ZNF839: variants seen among roughly 807,000 people sequenced by gnomAD.
ZNF839 encodes renal carcinoma antigen NY-REN-50.
A neutral mutation model predicts 56.4 loss-of-function variants in ZNF839; 38 were observed. The observed-to-expected ratio is 0.67, with a 90% CI of 0.52 to 0.88. The LOEUF (loss-of-function observed/expected upper bound fraction) is 0.88, where lower values mean the gene tolerates loss of function less well. Ranked by LOEUF, ZNF839 falls within the 40% of genes least tolerant of loss-of-function variation. ZNF839 has a pLI of 0.00. For missense variants in ZNF839, 1,091 were observed against 1,177.6 expected (o/e 0.93, Z 1.08); for synonymous variants, 486 against 493.5 (o/e 0.98, Z 0.20).
intron 5 of ZNF839, chr14:102,336,611 T>C: frequency 2.3e-6 from 1 of 428,798 alleles, no homozygotes; most frequent in Non-Finnish European, 4.6e-6. Context: ...TTTTTTTTTC[T>C]TAAAGCAATA....
At chr14:102,335,874 T>C (rs374374472) in intron 5 of ZNF839, 36 bp downstream of exon 5, 11 of 1,603,968 alleles carry the variant, frequency 6.9e-6, no homozygotes, top group African/African-American at 2.7e-5. Flanking sequence ...GTTTTGCTCA[T>C]AGAGTTAGCC....
intron 7 of ZNF839, among the ~76,000 whole-genome samples, chr14:102,340,864 G>GT (rs1255114763): frequency 3.3e-5 from 5 of 152,048 alleles, no homozygotes; most frequent in Non-Finnish European, 7.4e-5. Flanking sequence ...AAGGTGAGGA[G>GT]TTTGAGACCA....
At chr14:102,321,035 T>C (rs2073102350) in intron 1 of ZNF839, among the ~76,000 whole-genome samples, 1 of 152,238 alleles carries the variant, frequency 6.6e-6, no homozygotes, top group Non-Finnish European at 1.5e-5. Context: ...TGTTAGCTGC[T>C]TAGGGTTGTA....
At position 102,342,357 on chromosome 14, in the gene ZNF839, T is replaced by C; in HGVS notation, c.*178T>C. ...TGAACCTTTTATTTATAAAGAATAATGTCTTTCTGCCCTGCTGTCTACATT... is the reference window on the plus strand; with the variant it reads ...TGAACCTTTTATTTATAAAGAATAACGTCTTTCTGCCCTGCTGTCTACATT... On this transcript the variant is annotated 3_prime_UTR_variant, in exon 8 of 8. Transcript: ENST00000442396. The C allele has an allele frequency of 1.4e-6, 1 of 716,392 alleles. No homozygotes were observed. The highest frequency in any genetic ancestry group is 2.2e-6 in the Non-Finnish European group (1 of 461,870). The allele number at this position is 716,392 out of a possible 1,614,324, so 44.4% of individuals were successfully genotyped here.
intron 1 of ZNF839, 37 bp downstream of exon 1, chr14:102,320,090 C>G (rs2139441125): frequency 8.6e-7 from 1 of 1,162,858 alleles, no homozygotes; most frequent in East Asian, 3.8e-5. Flanking sequence ...AACTGAGGCC[C>G]GAAGGGGGCC....
chr14:102,339,979 A>T (rs563984300), intron 7 of ZNF839, among the ~76,000 whole-genome samples: 3 of 150,032 alleles, frequency 2.0e-5, no homozygotes, highest in Non-Finnish European at 4.4e-5. Context: ...ATATATATAA[A>T]TTTTTTTTTT....
chr14:102,321,997 C>A (rs1248788470), intron 1 of ZNF839, among the ~76,000 whole-genome samples: 3 of 152,152 alleles, frequency 2.0e-5, no homozygotes, highest in Non-Finnish European at 4.4e-5. Context: ...TCTTCCCCAC[C>A]CCACAGAAAT....
chr14:102,323,018 AACAG>A (rs55896826), intron 1 of ZNF839, among the ~76,000 whole-genome samples: 14,930 of 152,208 alleles, frequency 0.098, 1,038 homozygotes, highest in East Asian at 0.29. Flanking sequence ...GTACTAGTAT[AACAG>A]ACAGACGAGA....
intron 3 of ZNF839, 103 bp downstream of exon 3, chr14:102,331,949 A>G: frequency 1.1e-6 from 1 of 950,966 alleles, no homozygotes; most frequent in Non-Finnish European, 1.5e-6. Context: ...CTGAAATGTC[A>G]TTGCATTAAG....
intron 1 of ZNF839, 127 bp from the exon 2 acceptor site, chr14:102,325,858 A>G (rs2073379794): frequency 8.8e-7 from 1 of 1,141,054 alleles, no homozygotes; most frequent in African/African-American, 1.5e-5. Context: ...AACACATTAC[A>G]TCAACTTTTA....
rs770110342 is a variant in ZNF839 at position 102,341,378 on chromosome 14, A to G, written c.1983A>G (p.Thr661=). 2.2e-5 allele frequency: 34 copies of G among 1,546,646 alleles called. No individual in the cohort carries two copies. The highest frequency in any genetic ancestry group is 5.5e-5 in the African/African-American group (4 of 72,368). ...CTCCCCGTTCTGAAGAAAGCCATAC[A>G]ACGACGGTTTCTGGTGGCAATGGGA... The part of the protein sequence containing the change: ...TVSPRSEESH[T]TTVSGGNGSV... Residue 661 remains threonine (T), a synonymous_variant, in exon 8 of 8, where the codon ACA becomes ACG. Transcript: ENST00000442396.
chr14:102,319,961 G>A lies in ZNF839; in HGVS notation c.196G>A (p.Ala66Thr). The A allele has an allele frequency of 8.6e-7, 1 of 1,160,648 alleles. No homozygotes were observed. The highest frequency in any genetic ancestry group is 1.1e-6 in the Non-Finnish European group (1 of 946,102). 71.9% of individuals were successfully genotyped at this position (1,160,648 alleles called of 1,614,324 possible). Reference sequence around the variant, plus strand: ...GCCCCCCTTCGTGCTGCGGGACGCGGCGCGGCGGCTGCGGGACGCGGCCCA... The same window carrying A: ...GCCCCCCTTCGTGCTGCGGGACGCGACGCGGCGGCTGCGGGACGCGGCCCA... The part of the protein sequence containing the change: ...PPPPFVLRDA[A>T]RRLRDAAQQA... Residue 66 changes from alanine to threonine, a missense_variant, in exon 1 of 8, where the codon GCG becomes ACG. Ala to Thr is a moderately conservative substitution (Grantham distance 58, BLOSUM62 0). Coordinates refer to ENST00000442396, the MANE Select transcript of ZNF839 (RefSeq NM_018335.6). The surrounding 1 kb of genome is among the most constrained non-coding windows in gnomAD (Gnocchi z 4.5).
intron 7 of ZNF839, chr14:102,341,087 A>C (rs1433059313): frequency 3.4e-6 from 1 of 297,296 alleles, no homozygotes; most frequent in Admixed American, 5.1e-5. Context: ...AAAAAAAAAA[A>C]AAGCACACTG....
At chr14:102,318,662 C>T (rs1254360573), upstream of ZNF839, among the ~76,000 whole-genome samples, 1 of 151,892 alleles carries the variant, frequency 6.6e-6, no homozygotes, top group African/African-American at 2.4e-5. Context: ...GGTAAGATAC[C>T]CATAATATAA....
At chr14:102,329,043 C>G (rs894795528) in intron 2 of ZNF839, among the ~76,000 whole-genome samples, 3 of 149,256 alleles carry the variant, frequency 2.0e-5, no homozygotes, top group African/African-American at 7.4e-5. Context: ...GATCTCAGTT[C>G]ACTGCAACCT....
rs776087528 is a variant in ZNF839, at chr14:102,319,807, T to TGGC, written c.58_60dup (p.Gly20dup). The stretch of plus-strand genomic sequence containing the variant: ...CGGAGGCTGGGGGCGGCAGCGAGGA[T>TGGC]GGCGGCGGCGGCGGCGGCCCGGCTC... On this transcript the variant is annotated inframe_insertion, in exon 1 of 8. Coordinates refer to ENST00000442396, the MANE Select transcript of ZNF839 (RefSeq NM_018335.6). The surrounding 1 kb of genome is among the most constrained non-coding windows in gnomAD (Gnocchi z 4.5). 170 of 1,223,222 alleles carry TGGC rather than the reference T, an allele frequency of 1.4e-4. No individual in the cohort carries two copies. Among genetic ancestry groups the TGGC allele is most frequent in the Middle Eastern group, 3.1e-4 (1 of 3,248 alleles). 75.8% of individuals were successfully genotyped at this position (1,223,222 alleles called of 1,614,324 possible). A position where few individuals can be genotyped will look rare whatever the true frequency, so the allele number is the denominator to read the frequency against.
rs1234555970 is a variant in ZNF839, at chr14:102,326,616, C to T, written c.920C>T (p.Ser307Phe). The change falls in exon 2 of 8, where the codon TCC (serine) becomes TTC (phenylalanine). Residue 307 changes from serine to phenylalanine, a missense_variant. By Grantham distance (155) the Ser-to-Phe change is radical. Transcript: ENST00000442396. The surrounding 1 kb of genome is among the most constrained non-coding windows in gnomAD (Gnocchi z 4.3). Reference sequence around the variant, plus strand: ...GCACTCTTTGACTTATCGAGCTGCTCCCTGAGGCCCAAAAGCTTTAAGTGT... The same window carrying T: ...GCACTCTTTGACTTATCGAGCTGCTTCCTGAGGCCCAAAAGCTTTAAGTGT... ...RHALFDLSSC[S>F]LRPKSFKCQT... 4 of 1,613,564 alleles carry T rather than the reference C, an allele frequency of 2.5e-6. No individual in the cohort carries two copies. The highest frequency in any genetic ancestry group is 3.3e-5 in the Admixed American group (2 of 59,934).
At chr14:102,325,253 T>C (rs2073348630) in intron 1 of ZNF839, among the ~76,000 whole-genome samples, 1 of 148,718 alleles carries the variant, frequency 6.7e-6, no homozygotes, top group African/African-American at 2.5e-5. Flanking sequence ...GATGAGAGAA[T>C]CGCTGAAACT....
intron 2 of ZNF839, among the ~76,000 whole-genome samples, chr14:102,330,938 G>C (rs2073749208): frequency 1.3e-5 from 2 of 152,214 alleles, no homozygotes; most frequent in African/African-American, 4.8e-5. Flanking sequence ...AAGCCATGCA[G>C]ATGCATGGAG....
Sources: allele counts gnomAD v4.1 joint callset (sites outside exome capture counted in the v4.1 genomes callset), GRCh38; gene constraint gnomAD v4.1.1; non-coding constraint Gnocchi (gnomAD v3.1); transcripts MANE v1.5; gene names NCBI Gene and HGNC (gene_info 2026-07-23, HGNC 2026-07-21).